LYST: variants seen among roughly 807,000 people sequenced by gnomAD.
LYST encodes the protein lysosomal-trafficking regulator.
In LYST, 192 loss-of-function variants were observed where a neutral mutation model predicts 413.6. That is an observed-to-expected ratio of 0.46 (90% confidence interval 0.41 to 0.52). LYST has a LOEUF of 0.52. Ranked by LOEUF, LYST falls within the 20% of genes least tolerant of loss-of-function variation. The probability of loss-of-function intolerance (pLI) is 0.00; values close to 1 mark genes in which losing one functional copy is unlikely to be tolerated. For synonymous variants in LYST, 1,525 were observed against 1,567.3 expected (o/e 0.97, Z 0.64); for missense variants, 3,815 against 4,499.9 (o/e 0.85, Z 4.35).
rs1435136849 is a variant in LYST, at chr1:235,787,038, A to C, written c.4862+162T>G. 2.4e-5 allele frequency: 14 copies of C among 573,306 alleles called. No homozygotes were observed. The East Asian group carries it at 4.0e-4, about 17-fold the overall frequency. The allele number at this position is 573,306 out of a possible 1,614,324, so 35.5% of individuals were successfully genotyped here. ...ATTGTGCACATGTACCCTAGAACTT[A>C]AAGTACAATAATAATAAAAAAAGAA... On this transcript the variant is annotated intron_variant, in intron 14 of 52. Transcript: ENST00000389793.
At chr1:235,741,669 C>T (rs1277211875) in intron 30 of LYST, 41 bp from the exon 31 acceptor site, 9 of 1,394,614 alleles carry the variant, frequency 6.5e-6, no homozygotes, top group South Asian at 4.6e-5. Context: ...GATCAGACTG[C>T]TTAAGCAATA....
At chr1:235,707,616 C>T (rs1662091498) in intron 44 of LYST, among the ~76,000 whole-genome samples, 1 of 151,856 alleles carries the variant, frequency 6.6e-6, no homozygotes, top group South Asian at 2.1e-4. Flanking sequence ...GAGCAAGGCT[C>T]CATCTCAAAA....
intron 16 of LYST, among the ~76,000 whole-genome samples, chr1:235,778,340 G>C (rs1669519733): frequency 6.6e-6 from 1 of 151,224 alleles, no homozygotes; most frequent in South Asian, 2.1e-4. Context: ...AGAACTGGAT[G>C]GGGGCCTTGT....
At chr1:235,771,593 CT>C (rs541054569) in intron 19 of LYST, among the ~76,000 whole-genome samples, 6,080 of 147,174 alleles carry the variant, frequency 0.041, 419 homozygotes, top group African/African-American at 0.15. Flanking sequence ...TTTAATCTAT[CT>C]TATCTTTTTT....
intron 44 of LYST, among the ~76,000 whole-genome samples, chr1:235,707,137 C>G (rs1388598442): frequency 6.6e-6 from 1 of 152,166 alleles, no homozygotes; most frequent in Non-Finnish European, 1.5e-5. Flanking sequence ...TCAGCGGCCT[C>G]ATTTGGACTC....
rs777859191 is a variant in LYST at position 235,806,141 on chromosome 1, G to C, written c.2995C>G (p.Gln999Glu). 2.6e-5 allele frequency: 42 copies of C among 1,613,594 alleles called. 1 individual carries two copies. The highest frequency in any genetic ancestry group is 2.9e-5 in the Non-Finnish European group (34 of 1,179,942). The stretch of plus-strand genomic sequence containing the variant: ...TCTTTGTGACTTCTGAACAGTTTCT[G>C]TATTATCATAAATATTAACTTATGG... The part of the protein sequence containing the change: ...VCHKLIFMII[Q>E]KLFRSHKEEQ... The change falls in exon 6 of 53, where the codon CAG becomes GAG. Residue 999 changes from glutamine (Q) to glutamate (E), a missense_variant. By Grantham distance (29) the Gln-to-Glu change is conservative. Coordinates refer to ENST00000389793, the MANE Select transcript of LYST (RefSeq NM_000081.4).
chr1:235,824,760 G>A (rs1011762276), intron 3 of LYST, among the ~76,000 whole-genome samples: 2 of 152,136 alleles, frequency 1.3e-5, no homozygotes, highest in Non-Finnish European at 2.9e-5. Flanking sequence ...AGTGGCTCAC[G>A]CCTGTAATCC....
chr1:235,765,136 C>A (rs180688851), intron 21 of LYST, among the ~76,000 whole-genome samples: 1 of 152,130 alleles, frequency 6.6e-6, no homozygotes, highest in African/African-American at 2.4e-5. Flanking sequence ...CATGCTGTAA[C>A]CCTCATTCCC....
chr1:235,826,731 A>G (rs993185202), intron 3 of LYST, among the ~76,000 whole-genome samples: 1 of 152,208 alleles, frequency 6.6e-6, no homozygotes, highest in African/African-American at 2.4e-5. Flanking sequence ...CCCAGGTCAG[A>G]GTGCAGTGGC....
intron 29 of LYST, among the ~76,000 whole-genome samples, chr1:235,745,993 T>TACTA (rs1192055037): frequency 2.0e-5 from 3 of 152,166 alleles, no homozygotes; most frequent in African/African-American, 7.2e-5. Context: ...GATGATATTA[T>TACTA]ACTACAGTTC....
At chr1:235,746,981 T>TAGTG in intron 28 of LYST, among the ~76,000 whole-genome samples, 2 of 152,344 alleles carry the variant, frequency 1.3e-5, no homozygotes, top group Middle Eastern at 3.4e-3. Flanking sequence ...AAACTGTGTA[T>TAGTG]AGTGACAAAG....
intron 1 of LYST, among the ~76,000 whole-genome samples, chr1:235,878,945 G>A (rs1159095827): frequency 6.6e-6 from 1 of 152,148 alleles, no homozygotes; most frequent in Non-Finnish European, 1.5e-5. Context: ...GATATATTGA[G>A]TAGTGGTGAG....
At chr1:235,748,418 A>G in intron 28 of LYST, among the ~76,000 whole-genome samples, 1 of 152,202 alleles carries the variant, frequency 6.6e-6, no homozygotes, top group South Asian at 2.1e-4. Flanking sequence ...TATAAAAGTT[A>G]CAGAAGATTA....
chr1:235,797,274 T>C (rs1252244682), intron 10 of LYST, among the ~76,000 whole-genome samples: 1 of 152,174 alleles, frequency 6.6e-6, no homozygotes, highest in African/African-American at 2.4e-5. Flanking sequence ...TGGAATGTTA[T>C]TTCAGCCAAA....
chr1:235,774,744 T>C (rs535164350), intron 18 of LYST, among the ~76,000 whole-genome samples, 169 bp downstream of exon 18: 25 of 152,212 alleles, frequency 1.6e-4, no homozygotes, highest in Non-Finnish European at 3.5e-4. Flanking sequence ...ATTATTTAAA[T>C]GATGAAAAGA....
intron 1 of LYST, chr1:235,853,113 C>A (rs1678737962): frequency 5.9e-6 from 1 of 170,350 alleles, no homozygotes; most frequent in Non-Finnish European, 1.5e-5. Flanking sequence ...TTCTTGCCCC[C>A]CCACAAACTT....
chr1:235,812,231 C>T (rs535182410), intron 4 of LYST, among the ~76,000 whole-genome samples: 6 of 152,108 alleles, frequency 3.9e-5, no homozygotes, highest in South Asian at 4.1e-4. Flanking sequence ...AGGCTGGGCA[C>T]GGTGGCTCAT....
At chr1:235,750,790 C>A (rs773268727) in intron 28 of LYST, among the ~76,000 whole-genome samples, 1 of 152,168 alleles carries the variant, frequency 6.6e-6, no homozygotes, top group African/African-American at 2.4e-5. Flanking sequence ...GAAACAGATT[C>A]TTTATCAGTT....
chr1:235,742,108 G>A (rs1224242376), intron 30 of LYST, among the ~76,000 whole-genome samples: 1 of 152,130 alleles, frequency 6.6e-6, no homozygotes, highest in Non-Finnish European at 1.5e-5. Context: ...GGTAATGGGG[G>A]AAGGGGTGGT....
Sources: gnomAD v4.1 joint callset for allele counts (sites outside exome capture counted in the v4.1 genomes callset) on GRCh38, gnomAD v4.1.1 for gene constraint, MANE v1.5 for transcripts, NCBI Gene and HGNC (gene_info 2026-07-23, HGNC 2026-07-21) for gene names.